Variants in ZNF341 observed in about 807,000 individuals in gnomAD.
The protein encoded by ZNF341 is zinc finger protein 341.
In ZNF341, 52 loss-of-function variants were observed where a neutral mutation model predicts 87.7. The observed-to-expected ratio is 0.59, with a 90% confidence interval of 0.47 to 0.75. ZNF341 has a LOEUF of 0.75. Ranked by LOEUF, ZNF341 falls within the 30% of genes least tolerant of loss-of-function variation. The probability of loss-of-function intolerance (pLI) is 0.00; values close to 1 mark genes in which losing one functional copy is unlikely to be tolerated. For synonymous variants in ZNF341, 459 were observed against 472.7 expected (o/e 0.97, Z 0.38); for missense variants, 977 against 1,145.9 (o/e 0.85, Z 2.13).
chr20:33,732,038 T>C lies in ZNF341; in HGVS notation c.17T>C (p.Phe6Ser). The change falls in exon 1 of 15, where the codon TTT (phenylalanine) becomes TCT (serine). Residue 6 changes from phenylalanine to serine, a missense_variant. By Grantham distance (155) the Phe-to-Ser change is radical (BLOSUM62 -2). Transcript: ENST00000375200. The surrounding 1 kb of genome is among the most constrained non-coding windows in gnomAD (Gnocchi z 4.5). MAQAI[F>S]EALEGMDNQT... ...GGCTCCAAGATGGCGCAGGCGATCT[T>C]TGAGGCCCTGGAGGGTGAGCGGCGG... The C allele has an allele frequency of 1.4e-6, 2 of 1,403,716 alleles. No homozygotes were observed. The highest frequency in any genetic ancestry group is 1.9e-6 in the Non-Finnish European group (2 of 1,073,690). The allele number at this position is 1,403,716 out of a possible 1,614,324, so 87.0% of individuals were successfully genotyped here.
At chr20:33,767,109 T>A in intron 9 of ZNF341, 68 bp downstream of exon 9, 1 of 1,531,120 alleles carries the variant, frequency 6.5e-7, no homozygotes. Context: ...GCTAGGGTCT[T>A]GAATGCTGCC....
At chr20:33,736,479 G>T (rs1024328467) in intron 1 of ZNF341, among the ~76,000 whole-genome samples, 1 of 152,074 alleles carries the variant, frequency 6.6e-6, no homozygotes, top group Non-Finnish European at 1.5e-5. Context: ...AGACCACCAG[G>T]TTTTCACCTG....
At chr20:33,759,780 GAGAGAGAGAGGGAGAGA>G (rs1248140848) in intron 7 of ZNF341, among the ~76,000 whole-genome samples, 4 of 151,720 alleles carry the variant, frequency 2.6e-5, no homozygotes, top group Non-Finnish European at 5.9e-5. Context: ...GAGGGAGAGA[GAGAGAGAGAGGGAGAGA>G]GAGAGAACAA....
chr20:33,738,685 G>A (rs2018742979), intron 1 of ZNF341, among the ~76,000 whole-genome samples: 2 of 152,214 alleles, frequency 1.3e-5, no homozygotes, highest in South Asian at 4.1e-4. Flanking sequence ...GGTGGTAGAA[G>A]AGATAGAGGG....
chr20:33,761,778 G>A, intron 7 of ZNF341, 84 bp from the exon 8 acceptor site: 3 of 1,210,258 alleles, frequency 2.5e-6, no homozygotes, highest in Non-Finnish European at 3.3e-6. Flanking sequence ...GTTCTTTCTG[G>A]GCCTTCCTTG....
At chr20:33,740,667 C>T (rs1185542179) in intron 1 of ZNF341, among the ~76,000 whole-genome samples, 1 of 152,072 alleles carries the variant, frequency 6.6e-6, no homozygotes, top group East Asian at 1.9e-4. Context: ...ACCAAGCCTA[C>T]CTAAATTTTG....
At chr20:33,771,716 C>T (rs1209207319) in intron 10 of ZNF341, among the ~76,000 whole-genome samples, 2 of 151,658 alleles carry the variant, frequency 1.3e-5, no homozygotes, top group African/African-American at 4.8e-5. Context: ...GCTTTTTATC[C>T]TTAGATCTTC....
intron 6 of ZNF341, among the ~76,000 whole-genome samples, chr20:33,758,335 C>A (rs749920984): frequency 2.6e-5 from 4 of 152,058 alleles, no homozygotes; most frequent in South Asian, 4.1e-4. Flanking sequence ...TGCAAAGGCC[C>A]GGAGGCAGGA....
chr20:33,758,591 G>T, intron 6 of ZNF341, 125 bp from the exon 7 acceptor site: 3 of 698,130 alleles, frequency 4.3e-6, no homozygotes, highest in Admixed American at 2.3e-5. Context: ...TCCCTGGCCT[G>T]TGTATGGGCA....
intron 14 of ZNF341, 41 bp from the exon 15 acceptor site, chr20:33,790,947 A>G: frequency 6.3e-7 from 1 of 1,574,938 alleles, no homozygotes; most frequent in African/African-American, 1.3e-5. Flanking sequence ...TTGCGGGGTG[A>G]AGGTCTGGAT....
intron 9 of ZNF341, 56 bp downstream of exon 9, chr20:33,767,097 G>T: frequency 6.4e-7 from 1 of 1,558,004 alleles, no homozygotes; most frequent in Non-Finnish European, 8.7e-7. Context: ...CCTTTCACTG[G>T]TGCTAGGGTC....
intron 11 of ZNF341, 117 bp from the exon 12 acceptor site, chr20:33,783,615 T>C (rs1321083091): frequency 6.9e-7 from 1 of 1,445,020 alleles, no homozygotes; most frequent in East Asian, 2.3e-5. Context: ...TGGCCCCTGA[T>C]AGCCAGAAAG....
rs2018599710 is a variant in ZNF341, at chr20:33,732,767, G to C, written c.31+715G>C. Among the ~76,000 whole-genome samples, 1 of 152,230 alleles carries C rather than the reference G, an allele frequency of 6.6e-6. No homozygotes were observed. The highest frequency in any genetic ancestry group is 6.5e-5 in the Admixed American group (1 of 15,282). Reference sequence around the variant, plus strand: ...TGTTCCGTGCTCTGCAAGAACCTGGGATGGGGTTGGTGCTCAGGCTCAAAA... The same window carrying C: ...TGTTCCGTGCTCTGCAAGAACCTGGCATGGGGTTGGTGCTCAGGCTCAAAA... On this transcript the variant is annotated intron_variant, in intron 1 of 14. Coordinates refer to ENST00000375200, the MANE Select transcript of ZNF341 (RefSeq NM_001282933.2). The surrounding 1 kb of genome is among the most constrained non-coding windows in gnomAD (Gnocchi z 4.5).
intron 9 of ZNF341, among the ~76,000 whole-genome samples, chr20:33,769,292 G>A (rs534846453): frequency 6.7e-6 from 1 of 149,722 alleles, no homozygotes; most frequent in Non-Finnish European, 1.5e-5. Flanking sequence ...AGCATCCCCT[G>A]AGGATTTCTC....
chr20:33,745,356 C>A, intron 3 of ZNF341, 57 bp downstream of exon 3: 1 of 1,534,746 alleles, frequency 6.5e-7, no homozygotes, highest in Non-Finnish European at 8.8e-7. Context: ...CATGCTCAGG[C>A]ACTGTGCTGG....
intron 7 of ZNF341, among the ~76,000 whole-genome samples, chr20:33,761,108 C>G (rs990272158): frequency 2.0e-5 from 3 of 151,790 alleles, no homozygotes; most frequent in African/African-American, 7.3e-5. Context: ...GATCCTTCCG[C>G]CTCAGATTCC....
intron 3 of ZNF341, 68 bp from the exon 4 acceptor site, chr20:33,748,855 C>T (rs182640233): frequency 2.1e-5 from 31 of 1,485,312 alleles, no homozygotes; most frequent in African/African-American, 9.6e-5. Flanking sequence ...CATGCACACA[C>T]GCACACATGA....
At chr20:33,774,145 A>G (rs2019581841) in intron 10 of ZNF341, among the ~76,000 whole-genome samples, 2 of 136,832 alleles carry the variant, frequency 1.5e-5, no homozygotes, top group Admixed American at 1.5e-4. Flanking sequence ...AAAAAAAATT[A>G]GCTGGGTGTG....
rs771173996 is a variant in ZNF341, at chr20:33,791,246, C to A, written c.2294C>A (p.Thr765Asn). ...GGCAGTGGTGGGCGCAAGGTGCTGACCCCCTTGCCTGACCCGCTGGGGCTG... is the reference window on the plus strand; with the variant it reads ...GGCAGTGGTGGGCGCAAGGTGCTGAACCCCTTGCCTGACCCGCTGGGGCTG... ...SCGSGGRKVL[T>N]PLPDPLGLEE... Residue 765 changes from threonine (T) to asparagine (N), a missense_variant, in exon 15 of 15, where the codon ACC becomes AAC. Thr to Asn is a moderately conservative substitution (Grantham distance 65, BLOSUM62 0). This residue lies in a region of ZNF341 where 221 missense variants were observed against 212.7 expected (regional missense o/e 1.04). Coordinates refer to ENST00000375200, the MANE Select transcript of ZNF341 (RefSeq NM_001282933.2). 6.2e-7 allele frequency: 1 copy of A among 1,611,998 alleles called. No individual in the cohort carries two copies. The highest frequency in any genetic ancestry group is 2.2e-5 in the East Asian group (1 of 44,876).
Sources: allele counts gnomAD v4.1 joint callset (sites outside exome capture counted in the v4.1 genomes callset), GRCh38; gene constraint gnomAD v4.1.1; regional missense constraint gnomAD v4.1.1; non-coding constraint Gnocchi (gnomAD v3.1); transcripts MANE v1.5; gene names NCBI Gene and HGNC (gene_info 2026-07-23, HGNC 2026-07-21).